MYT1L: variants seen among roughly 807,000 people sequenced by gnomAD.
The protein encoded by MYT1L is myelin transcription factor 1-like protein.
A neutral mutation model predicts 126.7 loss-of-function variants in MYT1L; 12 were observed. That is an observed-to-expected ratio of 0.09 (90% CI 0.06 to 0.15). MYT1L has a LOEUF of 0.15. MYT1L is among the 10% of genes least tolerant of loss of function. The probability of loss-of-function intolerance (pLI) is 1.00; values close to 1 mark genes in which losing one functional copy is unlikely to be tolerated. For synonymous variants in MYT1L, 541 were observed against 604.2 expected (o/e 0.90, Z 1.53); for missense variants, 979 against 1,585.2 (o/e 0.62, Z 6.49).
At chr2:2,102,044 C>T (rs2078156139) in intron 3 of MYT1L, among the ~76,000 whole-genome samples, 2 of 152,184 alleles carry the variant, frequency 1.3e-5, no homozygotes, top group African/African-American at 4.8e-5. Flanking sequence ...AATACATTAT[C>T]TCAGAAACCT....
At chr2:2,297,953 C>A (rs2095720627) in intron 1 of MYT1L, among the ~76,000 whole-genome samples, 1 of 152,232 alleles carries the variant, frequency 6.6e-6, no homozygotes. Context: ...TAAAGTTACA[C>A]AACGAGGACC....
chr2:2,185,637 A>C (rs1197530415), intron 2 of MYT1L, among the ~76,000 whole-genome samples: 2 of 134,478 alleles, frequency 1.5e-5, no homozygotes, highest in Non-Finnish European at 3.1e-5. Context: ...TGTGAGGCGG[A>C]CGCAGCCGGG....
At chr2:1,934,131 C>A (rs568106365) in intron 9 of MYT1L, among the ~76,000 whole-genome samples, 5 of 142,450 alleles carry the variant, frequency 3.5e-5, no homozygotes, top group African/African-American at 1.2e-4. Context: ...CCCGCCACCA[C>A]GCCTGGCTAA....
chr2:2,301,778 G>A (rs780799056), intron 1 of MYT1L, among the ~76,000 whole-genome samples: 8 of 146,652 alleles, frequency 5.5e-5, no homozygotes, highest in African/African-American at 1.3e-4. Context: ...AGTGAGCTAC[G>A]TTTGCATCAC....
At chr2:2,008,542 A>G (rs1443881363) in intron 4 of MYT1L, among the ~76,000 whole-genome samples, 1 of 152,020 alleles carries the variant, frequency 6.6e-6, no homozygotes, top group Admixed American at 6.5e-5. Context: ...CCTTATTTTT[A>G]CTGTTGATTT....
intron 1 of MYT1L, among the ~76,000 whole-genome samples, chr2:2,315,332 A>T (rs1198704360): frequency 1.4e-5 from 2 of 147,220 alleles, no homozygotes; most frequent in Non-Finnish European, 3.1e-5. Context: ...CAGCCAAAGT[A>T]AGCATTAAAT....
chr2:2,039,569 T>C (rs776594078), intron 4 of MYT1L, among the ~76,000 whole-genome samples: 2 of 152,150 alleles, frequency 1.3e-5, no homozygotes, highest in Non-Finnish European at 2.9e-5. Flanking sequence ...AAGGTGTGAA[T>C]TGCTCAGGAA....
intron 2 of MYT1L, among the ~76,000 whole-genome samples, chr2:2,225,228 A>G (rs1473305501): frequency 6.6e-6 from 1 of 151,672 alleles, no homozygotes; most frequent in Non-Finnish European, 1.5e-5. Context: ...CCCTCAACTA[A>G]CCAACCCCAG....
rs766075832 is a variant in MYT1L at position 1,912,114 on chromosome 2, G to C, written c.1619-4C>G. On this transcript the variant is annotated splice_polypyrimidine_tract_variant and splice_region_variant and intron_variant, in intron 11 of 24. Transcript: ENST00000647738. This position sits in a 1 kb window ranked among gnomAD's most constrained non-coding sequence, Gnocchi z 4.3. ...ACACTTTCATGCATGGCAAGGACTTGACAGGGAGAGGCAAAGAGAACAGCC... is the reference window on the plus strand; with the variant it reads ...ACACTTTCATGCATGGCAAGGACTTCACAGGGAGAGGCAAAGAGAACAGCC... 1 of 1,568,412 alleles carries C rather than the reference G, an allele frequency of 6.4e-7. No individual in the cohort carries two copies. The highest frequency in any genetic ancestry group is 1.2e-5 in the South Asian group (1 of 86,228).
intron 4 of MYT1L, among the ~76,000 whole-genome samples, chr2:2,016,723 A>G (rs2064443896): frequency 6.6e-6 from 1 of 152,266 alleles, no homozygotes; most frequent in Non-Finnish European, 1.5e-5. Context: ...TAAGAAAAGC[A>G]AAACATATAT....
chr2:2,151,814 G>T (rs2085842022), intron 3 of MYT1L, among the ~76,000 whole-genome samples: 1 of 152,166 alleles, frequency 6.6e-6, no homozygotes, highest in Non-Finnish European at 1.5e-5. Context: ...CCAGCACTTT[G>T]GGAGGCCAAG....
At chr2:2,266,901 C>T (rs190965115) in intron 2 of MYT1L, among the ~76,000 whole-genome samples, 3 of 152,218 alleles carry the variant, frequency 2.0e-5, no homozygotes, top group South Asian at 2.1e-4. Context: ...AGGCCTCCCA[C>T]GTGGAACTGT....
At position 1,904,195 on chromosome 2, in the gene MYT1L, C is replaced by A. The variant is rs137988490; in HGVS notation, c.1818-901G>T. On this transcript the variant is annotated intron_variant, in intron 13 of 24. Coordinates refer to ENST00000647738, the MANE Select transcript of MYT1L (RefSeq NM_001303052.2). ...GGCTGTATTTGGATCTGACCAGTTT[C>A]TCCACAGATGTCCTTTTTCTGACAC... 6.2e-3 allele frequency among the ~76,000 whole-genome samples: 946 copies of A among 152,286 alleles called. 5 individuals carry two copies. The highest frequency in any genetic ancestry group is 0.024 in the Middle Eastern group (7 of 294).
chr2:2,073,998 A>G (rs938595984), intron 3 of MYT1L, among the ~76,000 whole-genome samples: 1 of 152,184 alleles, frequency 6.6e-6, no homozygotes, highest in Non-Finnish European at 1.5e-5. Context: ...GGCCCTGTAT[A>G]TGGTCATTTT....
chr2:2,075,112 A>G (rs1334235708), intron 3 of MYT1L, among the ~76,000 whole-genome samples: 1 of 152,176 alleles, frequency 6.6e-6, no homozygotes, highest in Non-Finnish European at 1.5e-5. Context: ...CTGGATAGAG[A>G]GCATTTCAGG....
intron 1 of MYT1L, chr2:2,325,619 G>A (rs1573608335): frequency 1.3e-5 from 2 of 152,254 alleles, no homozygotes; most frequent in Middle Eastern, 6.8e-3. Flanking sequence ...TGACCATACC[G>A]TTTCACTCTC....
intron 2 of MYT1L, among the ~76,000 whole-genome samples, chr2:2,211,569 A>G (rs2093509093): frequency 6.6e-6 from 1 of 152,098 alleles, no homozygotes; most frequent in Admixed American, 6.5e-5. Flanking sequence ...GCACTTTAGG[A>G]GGCCGAGGCG....
chr2:2,063,533 A>G (rs1256339835), intron 3 of MYT1L, among the ~76,000 whole-genome samples: 1 of 152,174 alleles, frequency 6.6e-6, no homozygotes, highest in Non-Finnish European at 1.5e-5. Context: ...GAGCCAGATG[A>G]CATGAACTTG....
intron 5 of MYT1L, among the ~76,000 whole-genome samples, 198 bp downstream of exon 5, chr2:1,996,993 T>TTACAGGA (rs2061931087): frequency 2.6e-5 from 3 of 117,208 alleles, no homozygotes; most frequent in East Asian, 2.7e-4. Flanking sequence ...CGCCTTTACC[T>TTACAGGA]AGTGAGGGCC....
Sources: allele counts gnomAD v4.1 joint callset (sites outside exome capture counted in the v4.1 genomes callset), GRCh38; gene constraint gnomAD v4.1.1; non-coding constraint Gnocchi (gnomAD v3.1); transcripts MANE v1.5; gene names NCBI Gene and HGNC (gene_info 2026-07-23, HGNC 2026-07-21).